Variants in TOX observed in about 807,000 individuals in gnomAD.
TOX encodes thymocyte selection associated high mobility group box.
A neutral mutation model predicts 53.7 loss-of-function variants in TOX; 11 were observed. That is an observed-to-expected ratio of 0.20 (90% CI 0.13 to 0.34). TOX has a LOEUF of 0.34. TOX is among the 10% of genes least tolerant of loss of function. TOX has a pLI of 1.00. For missense variants in TOX, 570 were observed against 664.6 expected (o/e 0.86, Z 1.56); for synonymous variants, 225 against 245.3 (o/e 0.92, Z 0.77).
intron 3 of TOX, among the ~76,000 whole-genome samples, chr8:58,913,702 C>A (rs147514807): frequency 6.6e-6 from 1 of 151,658 alleles, no homozygotes; most frequent in African/African-American, 2.4e-5. Context: ...CTAGTAGATG[C>A]TTAATAAAAA....
intron 3 of TOX, among the ~76,000 whole-genome samples, chr8:58,920,820 C>T (rs1812060106): frequency 1.4e-5 from 2 of 147,824 alleles, no homozygotes; most frequent in South Asian, 4.4e-4. Flanking sequence ...GTTACTTCTT[C>T]AGCACCTATC....
intron 6 of TOX, among the ~76,000 whole-genome samples, chr8:58,818,169 C>T (rs1192656043): frequency 6.6e-6 from 1 of 152,110 alleles, no homozygotes; most frequent in Non-Finnish European, 1.5e-5. Flanking sequence ...TCTATCTAGC[C>T]ACTTATTTGT....
At chr8:58,984,157 T>C (rs569190698) in intron 1 of TOX, among the ~76,000 whole-genome samples, 4 of 152,046 alleles carry the variant, frequency 2.6e-5, no homozygotes, top group East Asian at 3.9e-4. Context: ...AAAGAGAAAA[T>C]AGATAAATGG....
At chr8:58,978,337 G>GA (rs1405902575) in intron 1 of TOX, among the ~76,000 whole-genome samples, 2 of 152,146 alleles carry the variant, frequency 1.3e-5, no homozygotes, top group East Asian at 1.9e-4. Context: ...ATGTTGACAG[G>GA]AAAAAATCTG....
intron 2 of TOX, among the ~76,000 whole-genome samples, chr8:58,944,669 T>A (rs1379468484): frequency 6.6e-6 from 1 of 152,174 alleles, no homozygotes. Flanking sequence ...CTTATAAGCA[T>A]TAAAAACAAA....
At chr8:58,975,325 A>G (rs1254147855) in intron 1 of TOX, among the ~76,000 whole-genome samples, 2 of 152,060 alleles carry the variant, frequency 1.3e-5, no homozygotes, top group African/African-American at 2.4e-5. Flanking sequence ...ATATAAAGTC[A>G]TCGTTTCAAT....
intron 1 of TOX, among the ~76,000 whole-genome samples, chr8:59,021,483 T>A (rs866930249): frequency 0.021 from 1,709 of 80,702 alleles, 53 homozygotes; most frequent in African/African-American, 0.069. Flanking sequence ...AAAAAAAAAA[T>A]ATATATATAT....
intron 1 of TOX, among the ~76,000 whole-genome samples, chr8:59,062,255 C>T (rs1284509489): frequency 6.6e-6 from 1 of 152,100 alleles, no homozygotes; most frequent in Non-Finnish European, 1.5e-5. Flanking sequence ...CCTAACTCCG[C>T]AGAGGCTGAG....
chr8:58,995,965 C>T (rs1813553178), intron 1 of TOX, among the ~76,000 whole-genome samples: 1 of 152,156 alleles, frequency 6.6e-6, no homozygotes, highest in Non-Finnish European at 1.5e-5. Context: ...CCAGATGCCA[C>T]ATTTCATCTA....
intron 4 of TOX, among the ~76,000 whole-genome samples, chr8:58,847,335 G>T (rs1222691957): frequency 6.6e-6 from 1 of 152,038 alleles, no homozygotes; most frequent in Non-Finnish European, 1.5e-5. Flanking sequence ...TGGGTAAAGA[G>T]CAAGCAACTA....
intron 1 of TOX, chr8:58,992,271 C>CCT (rs1813467812): frequency 6.6e-6 from 1 of 152,166 alleles, no homozygotes; most frequent in Non-Finnish European, 1.5e-5. Flanking sequence ...ACCAGGCAGC[C>CCT]ACGTGATCTT....
intron 1 of TOX, among the ~76,000 whole-genome samples, chr8:59,102,365 T>C (rs2129424473): frequency 6.6e-6 from 1 of 152,220 alleles, no homozygotes; most frequent in East Asian, 1.9e-4. Flanking sequence ...GTAGCTGGGA[T>C]TACAGGCACA....
intron 1 of TOX, among the ~76,000 whole-genome samples, chr8:59,096,115 GCTT>G (rs1188048708): frequency 1.3e-5 from 2 of 152,116 alleles, no homozygotes; most frequent in Middle Eastern, 3.2e-3. Context: ...AAGGATAATT[GCTT>G]CTTATCAAAT....
intron 1 of TOX, among the ~76,000 whole-genome samples, chr8:59,036,804 T>C (rs1383090904): frequency 2.0e-5 from 3 of 152,250 alleles, no homozygotes; most frequent in Non-Finnish European, 4.4e-5. Context: ...TTATTTGTCT[T>C]AATAAGGTCT....
At chr8:58,935,067 C>T (rs939388343) in intron 3 of TOX, among the ~76,000 whole-genome samples, 2 of 152,078 alleles carry the variant, frequency 1.3e-5, no homozygotes, top group African/African-American at 4.8e-5. Flanking sequence ...GTAGGAAATG[C>T]TTATAAATGG....
At chr8:59,035,687 G>A (rs1052684114) in intron 1 of TOX, among the ~76,000 whole-genome samples, 2 of 152,310 alleles carry the variant, frequency 1.3e-5, no homozygotes, top group Middle Eastern at 3.4e-3. Flanking sequence ...ATTGTGTGCT[G>A]AGGGTGCTAG....
Position 58,941,993 on chromosome 8 carries a change from C to T in TOX, c.169-2449G>A, listed in dbSNP as rs142137419. 6.2e-4 allele frequency among the ~76,000 whole-genome samples: 91 copies of T among 146,190 alleles called. No individual in the cohort carries two copies. The East Asian group carries it at 0.015, about 23-fold the overall frequency. On this transcript the variant is annotated intron_variant, in intron 2 of 8. Transcript: ENST00000361421. The stretch of plus-strand genomic sequence containing the variant: ...ACTTGAACCCAGGAAGCGGAGGTTG[C>T]GGTGAGCTGAGAGCGTGCCACGACA...
chr8:59,118,377 G>A lies in TOX; in HGVS notation c.102+509C>T, dbSNP rs1289561359. 6.6e-6 allele frequency among the ~76,000 whole-genome samples: 1 copy of A among 152,152 alleles called. No individual in the cohort carries two copies. The highest frequency in any genetic ancestry group is 2.4e-5 in the African/African-American group (1 of 41,432). On this transcript the variant is annotated intron_variant, in intron 1 of 8. Transcript: ENST00000361421. This position sits in a 1 kb window ranked among gnomAD's most constrained non-coding sequence, Gnocchi z 4.1. ...AGAGTTGTGGGGCAGTTTTCCCTGT[G>A]GGGGGCAGGGGCGCCTCCCAGGTCC...
At chr8:58,850,483 T>C (rs915665641) in intron 4 of TOX, among the ~76,000 whole-genome samples, 7 of 152,148 alleles carry the variant, frequency 4.6e-5, no homozygotes, top group African/African-American at 1.7e-4. Flanking sequence ...TAAGGAGTGA[T>C]CCCTAGTTGT....
Sources: allele counts gnomAD v4.1 joint callset (sites outside exome capture counted in the v4.1 genomes callset), GRCh38; gene constraint gnomAD v4.1.1; non-coding constraint Gnocchi (gnomAD v3.1); transcripts MANE v1.5; gene names NCBI Gene and HGNC (gene_info 2026-07-23, HGNC 2026-07-21).